GON4L: variants seen among roughly 807,000 people sequenced by gnomAD.
GON4L encodes gon-4 like.
A neutral mutation model predicts 211.8 loss-of-function variants in GON4L; 87 were observed. That is an observed-to-expected ratio of 0.41 (90% CI 0.35 to 0.49). The LOEUF (loss-of-function observed/expected upper bound fraction) is 0.49, where lower values mean the gene tolerates loss of function less well. GON4L is among the 20% of genes least tolerant of loss of function. The pLI, the probability that GON4L is intolerant of heterozygous loss-of-function variation, is 0.15. For synonymous variants in GON4L, 875 were observed against 962.6 expected, an observed-to-expected ratio of 0.91 and a Z score of 1.68; for missense variants, 2,155 against 2,659.5, an observed-to-expected ratio of 0.81 and a Z score of 4.17.
intron 10 of GON4L, among the ~76,000 whole-genome samples, chr1:155,805,706 T>C (rs1380027385): frequency 1.3e-5 from 2 of 152,060 alleles, no homozygotes. Flanking sequence ...TTTTTTTTTT[T>C]TGAGACATAG....
At chr1:155,747,974 G>A (rs751966405), downstream of GON4L, 23 of 1,577,786 alleles carry the variant, frequency 1.5e-5, no homozygotes, top group East Asian at 2.2e-5. Flanking sequence ...TTTTCTTTAC[G>A]AGGAGGCCCA....
chr1:155,837,224 C>G (rs1191595761), intron 2 of GON4L, among the ~76,000 whole-genome samples: 1 of 152,148 alleles, frequency 6.6e-6, no homozygotes, highest in Non-Finnish European at 1.5e-5. Flanking sequence ...AAATGAGCTG[C>G]CTTGTTCAAG....
chr1:155,754,352 G>T, intron 28 of GON4L, 23 bp downstream of exon 28: 1 of 1,402,488 alleles, frequency 7.1e-7, no homozygotes, highest in Non-Finnish European at 1.0e-6. Flanking sequence ...TGATACCCTC[G>T]GGACCCTTGA....
intron 14 of GON4L, among the ~76,000 whole-genome samples, chr1:155,782,789 A>G (rs1664554207): frequency 6.6e-6 from 1 of 151,970 alleles, no homozygotes; most frequent in Non-Finnish European, 1.5e-5. Flanking sequence ...CCTCCTGAGT[A>G]GCTGGGATTA....
chr1:155,827,881 C>T (rs1479973986), intron 2 of GON4L, among the ~76,000 whole-genome samples: 1 of 152,080 alleles, frequency 6.6e-6, no homozygotes. Flanking sequence ...AGGTGGCTCA[C>T]ACCTGTAATC....
At chr1:155,824,473 G>A (rs1054931303) in intron 3 of GON4L, among the ~76,000 whole-genome samples, 2 of 138,502 alleles carry the variant, frequency 1.4e-5, no homozygotes, top group Non-Finnish European at 3.0e-5. Context: ...GGCTAGGCAC[G>A]GTGGCTCATG....
intron 14 of GON4L, among the ~76,000 whole-genome samples, chr1:155,778,035 T>A (rs1275167641): frequency 2.6e-5 from 4 of 152,082 alleles, no homozygotes; most frequent in Non-Finnish European, 5.9e-5. Context: ...TTACACTCTA[T>A]CCCATTCCTC....
intron 2 of GON4L, among the ~76,000 whole-genome samples, chr1:155,830,888 A>G (rs72706174): frequency 0.011 from 1,682 of 152,260 alleles, 22 homozygotes; most frequent in Non-Finnish European, 0.018. Flanking sequence ...CCTGACCCCA[A>G]ATATTTTTTA....
In GON4L at chr1:155,765,229, A is replaced by C. The variant is rs1409081340; in HGVS notation, c.4244T>G (p.Leu1415Trp). Residue 1415 changes from leucine (L) to tryptophan (W), a missense_variant, in exon 21 of 32, where the codon TTG becomes TGG. By Grantham distance (61) the Leu-to-Trp change is moderately conservative. Coordinates refer to ENST00000368331, the MANE Select transcript of GON4L (RefSeq NM_001282860.2). ...DVNKGSSKNA[L>W]SSMDPEVRLS... ...CCTCACTTCAGGATCCATTGAGGAC[A>C]AAGCATTCTTTGATGATCCTTTGTT... 6 of 1,614,094 alleles carry C rather than the reference A, an allele frequency of 3.7e-6. No homozygotes were observed. The highest frequency in any genetic ancestry group is 1.3e-5 in the African/African-American group (1 of 74,932).
chr1:155,771,557 T>C (rs1203956034), intron 18 of GON4L, among the ~76,000 whole-genome samples: 1 of 152,152 alleles, frequency 6.6e-6, no homozygotes, highest in Non-Finnish European at 1.5e-5. Context: ...ACTGCAGCCT[T>C]GAATGCCTGG....
intron 11 of GON4L, among the ~76,000 whole-genome samples, chr1:155,797,050 T>C (rs1411328649): frequency 2.6e-5 from 4 of 152,086 alleles, no homozygotes; most frequent in Admixed American, 6.6e-5. Context: ...ACCCACAGAG[T>C]ATCTAGAAAG....
At chr1:155,773,962 G>A (rs1663490703) in intron 17 of GON4L, among the ~76,000 whole-genome samples, 2 of 152,116 alleles carry the variant, frequency 1.3e-5, no homozygotes, top group African/African-American at 2.4e-5. Flanking sequence ...TTTGGGATCC[G>A]TGTCTATGAT....
chr1:155,783,993 C>T lies in GON4L; in HGVS notation c.1885G>A (p.Ala629Thr), dbSNP rs925794734. ...EPRPNFNTPQ[A>T]LRFEEPLANL... The stretch of plus-strand genomic sequence containing the variant: ...GGTCTTCAACTAGCCTACCGTAGAG[C>T]TTGAGGGGTGTTAAAGTTAGGACGA... Residue 629 changes from alanine (A) to threonine (T), a missense_variant, in exon 14 of 32, where the codon GCT becomes ACT. By Grantham distance (58) the Ala-to-Thr change is moderately conservative. Coordinates refer to ENST00000368331, the MANE Select transcript of GON4L (RefSeq NM_001282860.2). The T allele has an allele frequency of 6.2e-7, 1 of 1,613,654 alleles. No individual in the cohort carries two copies. The highest frequency in any genetic ancestry group is 1.7e-5 in the Admixed American group (1 of 59,980).
intron 31 of GON4L, among the ~76,000 whole-genome samples, chr1:155,751,363 T>C (rs1459715559): frequency 6.6e-6 from 1 of 151,894 alleles, no homozygotes; most frequent in Non-Finnish European, 1.5e-5. Flanking sequence ...CTTGCCAACA[T>C]GGTGAAACCC....
intron 11 of GON4L, among the ~76,000 whole-genome samples, chr1:155,802,318 G>GT (rs1427501887): frequency 6.8e-6 from 1 of 146,018 alleles, no homozygotes; most frequent in African/African-American, 2.5e-5. Context: ...TCCTTGGGGG[G>GT]GGGGAAGGCT....
chr1:155,752,801 C>A (rs1418022974), intron 29 of GON4L, among the ~76,000 whole-genome samples: 2 of 152,060 alleles, frequency 1.3e-5, no homozygotes, highest in Admixed American at 1.3e-4. Flanking sequence ...GGTGAGACTC[C>A]ATCTCTACAA....
chr1:155,834,704 G>A (rs1425813478), intron 2 of GON4L, among the ~76,000 whole-genome samples: 1 of 152,172 alleles, frequency 6.6e-6, no homozygotes, highest in Non-Finnish European at 1.5e-5. Context: ...CCAGCACCAT[G>A]ACAGTTTACA....
At chr1:155,802,801 C>A (rs890170352) in intron 11 of GON4L, among the ~76,000 whole-genome samples, 1 of 152,142 alleles carries the variant, frequency 6.6e-6, no homozygotes, top group Non-Finnish European at 1.5e-5. Context: ...ACAAAAAATA[C>A]AAAAATTGGC....
At chr1:155,754,202 A>C in intron 28 of GON4L, 173 bp downstream of exon 28, 1 of 665,960 alleles carries the variant, frequency 1.5e-6, no homozygotes. Context: ...TAAAAAACAA[A>C]ATCTATCACG....
Sources: gnomAD v4.1 joint callset for allele counts (sites outside exome capture counted in the v4.1 genomes callset) on GRCh38, gnomAD v4.1.1 for gene constraint, MANE v1.5 for transcripts, NCBI Gene and HGNC (gene_info 2026-07-23, HGNC 2026-07-21) for gene names.